Variants in MAGI3 observed in about 807,000 individuals in gnomAD.
MAGI3 encodes the protein membrane associated guanylate kinase, WW and PDZ domain containing 3, also known as membrane-associated guanylate kinase, WW and PDZ domain-containing protein 3.
A neutral mutation model predicts 121.8 loss-of-function variants in MAGI3; 43 were observed. That is an observed-to-expected ratio of 0.35 (90% CI 0.28 to 0.46). The LOEUF (loss-of-function observed/expected upper bound fraction) is 0.46, where lower values mean the gene tolerates loss of function less well. MAGI3 is among the 20% of genes least tolerant of loss of function. MAGI3 has a pLI of 1.00. For missense variants in MAGI3, 1,547 were observed against 1,797.3 expected (o/e 0.86, Z 2.52); for synonymous variants, 553 against 639.3 (o/e 0.86, Z 2.04).
At chr1:113,656,565 C>A (rs1653484364) in intron 15 of MAGI3, among the ~76,000 whole-genome samples, 1 of 151,994 alleles carries the variant, frequency 6.6e-6, no homozygotes, top group African/African-American at 2.4e-5. Flanking sequence ...AGGCATGTGC[C>A]AACACACCTG....
intron 1 of MAGI3, among the ~76,000 whole-genome samples, chr1:113,427,590 T>A (rs1653077018): frequency 6.6e-6 from 1 of 152,162 alleles, no homozygotes; most frequent in Admixed American, 6.5e-5. Context: ...AGAGGGCACA[T>A]ATAGTCCTGA....
At chr1:113,638,231 G>T (rs886870014) in intron 9 of MAGI3, among the ~76,000 whole-genome samples, 1 of 152,182 alleles carries the variant, frequency 6.6e-6, no homozygotes, top group Non-Finnish European at 1.5e-5. Flanking sequence ...CTCTCAACTC[G>T]TCAAAGTCAT....
rs536909067 is a variant in MAGI3, at chr1:113,529,819, G to A, written c.317-19696G>A. On this transcript the variant is annotated intron_variant, in intron 1 of 20. Coordinates refer to ENST00000307546, the MANE Select transcript of MAGI3 (RefSeq NM_001142782.2). ...ATTATATTTTATTTTATTGAATGAT[G>A]AATATATAATCATGCCAATAAAAAT... Among the ~76,000 whole-genome samples the A allele has an allele frequency of 2.0e-5, 3 of 151,910 alleles. No individual in the cohort carries two copies. The South Asian group carries it at 6.2e-4, about 32-fold the overall frequency.
intron 1 of MAGI3, among the ~76,000 whole-genome samples, chr1:113,493,291 AAAG>A (rs1656753670): frequency 6.6e-6 from 1 of 152,242 alleles, no homozygotes; most frequent in South Asian, 2.1e-4. Context: ...GCAATGGGGA[AAAG>A]ATTCCCTAGT....
At chr1:113,450,816 C>A in intron 1 of MAGI3, 1 of 734,592 alleles carries the variant, frequency 1.4e-6, no homozygotes, top group South Asian at 1.4e-5. Flanking sequence ...TTGAGACAGT[C>A]CTCCCAAATG....
At chr1:113,656,882 G>A (rs1250539897) in intron 15 of MAGI3, among the ~76,000 whole-genome samples, 1 of 152,160 alleles carries the variant, frequency 6.6e-6, no homozygotes, top group Non-Finnish European at 1.5e-5. Context: ...ATTTGTCTAA[G>A]TGCTGAATGA....
intron 1 of MAGI3, among the ~76,000 whole-genome samples, chr1:113,503,377 A>G (rs1420113989): frequency 1.4e-5 from 2 of 147,786 alleles, no homozygotes; most frequent in African/African-American, 5.0e-5. Context: ...GTGCTAAATT[A>G]TAATTTTCTC....
chr1:113,670,854 A>G (rs184560930), intron 16 of MAGI3, among the ~76,000 whole-genome samples: 2 of 152,372 alleles, frequency 1.3e-5, no homozygotes, highest in East Asian at 3.9e-4. Flanking sequence ...AAATGATGCA[A>G]TCAGGCTTAA....
At position 113,430,128 on chromosome 1, in the gene MAGI3, G is replaced by A. The variant is rs571907658; in HGVS notation, c.316+38779G>A. On this transcript the variant is annotated intron_variant, in intron 1 of 20. Coordinates refer to ENST00000307546, the MANE Select transcript of MAGI3 (RefSeq NM_001142782.2). ...TAGGATTTTAACATATAATATAGAA[G>A]TAAGGGGAAAAAAAGTGAATAAATA... is the stretch of plus-strand genomic sequence containing the variant. 4.3e-4 allele frequency among the ~76,000 whole-genome samples: 65 copies of A among 152,004 alleles called. 3 individuals carry two copies. In the South Asian group the frequency reaches 0.013, roughly 30 times the overall value.
rs11800329 is a variant in MAGI3, at chr1:113,523,817, G to A, written c.317-25698G>A. On this transcript the variant is annotated intron_variant, in intron 1 of 20. Transcript: ENST00000307546. ...CAGCAGAAATTTGCATAAGTAACGA[G>A]GAGCCAAATGTTAATCCCCAAGTCA... 2.8e-3 allele frequency among the ~76,000 whole-genome samples: 429 copies of A among 152,280 alleles called. 2 individuals are homozygous for A. The highest frequency in any genetic ancestry group is 0.01 in the Middle Eastern group (3 of 294).
intron 6 of MAGI3, among the ~76,000 whole-genome samples, chr1:113,599,906 G>A (rs1284594452): frequency 2.0e-5 from 3 of 151,976 alleles, no homozygotes; most frequent in African/African-American, 2.4e-5. Context: ...GGGATGCAAG[G>A]CTGGTTCAAT....
chr1:113,597,197 T>G (rs1649072556), intron 6 of MAGI3, among the ~76,000 whole-genome samples: 1 of 152,090 alleles, frequency 6.6e-6, no homozygotes, highest in African/African-American at 2.4e-5. Context: ...ACATGCTAAG[T>G]GAAAGAAATT....
intron 20 of MAGI3, chr1:113,682,084 A>T (rs1648252893): frequency 1.0e-5 from 10 of 970,566 alleles, no homozygotes; most frequent in Non-Finnish European, 1.4e-5. Context: ...CCAGCTTATG[A>T]TTCTCTGACT....
chr1:113,511,791 A>C (rs1048542958), intron 1 of MAGI3, among the ~76,000 whole-genome samples: 4 of 152,242 alleles, frequency 2.6e-5, no homozygotes, highest in African/African-American at 9.6e-5. Flanking sequence ...TTTAATTTCT[A>C]AGATAGGACA....
chr1:113,421,446 C>T (rs554030338), intron 1 of MAGI3, among the ~76,000 whole-genome samples: 9 of 152,242 alleles, frequency 5.9e-5, no homozygotes, highest in Non-Finnish European at 8.8e-5. Context: ...TGACCTAATT[C>T]GTTAGTTTCC....
At chr1:113,480,310 A>G (rs1656048467) in intron 1 of MAGI3, among the ~76,000 whole-genome samples, 1 of 152,148 alleles carries the variant, frequency 6.6e-6, no homozygotes, top group East Asian at 1.9e-4. Context: ...TGCAGGGCCT[A>G]TAGGGAGGGC....
At chr1:113,601,667 T>A (rs1649392787) in intron 6 of MAGI3, among the ~76,000 whole-genome samples, 2 of 146,828 alleles carry the variant, frequency 1.4e-5, no homozygotes, top group South Asian at 4.6e-4. Context: ...AGTGTGGCGA[T>A]TCCTCAGGGA....
intron 16 of MAGI3, among the ~76,000 whole-genome samples, chr1:113,663,796 A>G (rs1350720267): frequency 6.6e-6 from 1 of 152,062 alleles, no homozygotes; most frequent in Non-Finnish European, 1.5e-5. Context: ...CAGCAGCTGC[A>G]CCCTTTTATA....
At chr1:113,424,840 A>T (rs1475536384) in intron 1 of MAGI3, among the ~76,000 whole-genome samples, 1 of 152,210 alleles carries the variant, frequency 6.6e-6, no homozygotes. Flanking sequence ...TTAGCACGTT[A>T]TGTAAATCTG....
Sources: allele counts gnomAD v4.1 joint callset (sites outside exome capture counted in the v4.1 genomes callset), GRCh38; gene constraint gnomAD v4.1.1; transcripts MANE v1.5; gene names NCBI Gene and HGNC (gene_info 2026-07-23, HGNC 2026-07-21).